The following TERT variants were observed in gnomAD, a reference collection of about 807,000 sequenced individuals.
TERT encodes telomerase reverse transcriptase.
TERT carries 42 observed loss-of-function variants against 104.0 expected under a neutral mutation model. That is an observed-to-expected ratio of 0.40 (90% CI 0.32 to 0.52). The LOEUF is 0.52. Among genes scored for constraint, TERT ranks in the 20% least tolerant of loss-of-function variants. The pLI, the probability that TERT is intolerant of heterozygous loss-of-function variation, is 0.43. For synonymous variants in TERT, 781 were observed against 725.6 expected (o/e 1.08, Z -1.23); for missense variants, 1,101 against 1,610.3 (o/e 0.68, Z 5.41).
In TERT at chr5:1,268,740, C is replaced by T. The variant is rs536444159; in HGVS notation, c.2469-107G>A. On this transcript the variant is annotated intron_variant, in intron 8 of 15. Coordinates refer to ENST00000310581, the MANE Select transcript of TERT (RefSeq NM_198253.3). This position sits in a 1 kb window ranked among gnomAD's most constrained non-coding sequence, Gnocchi z 5.5. ...CAGAACCTCATACACACAAACGACA[C>T]GTCTACCATTCAGCCGGCAAACACC... is the stretch of plus-strand genomic sequence containing the variant. The T allele has an allele frequency of 6.8e-5, 49 of 723,826 alleles. No homozygotes were observed. Among genetic ancestry groups the T allele is most frequent in the African/African-American group, 2.3e-4 (13 of 57,226 alleles). The allele number at this position is 723,826 out of a possible 1,614,324, so 44.8% of individuals were successfully genotyped here.
At chr5:1,282,303 C>A in intron 3 of TERT, 126 bp downstream of exon 3, 1 of 1,015,464 alleles carries the variant, frequency 9.8e-7, no homozygotes, top group South Asian at 1.3e-5. Flanking sequence ...TGTGACGGGG[C>A]CCCTGGCTCC....
At position 1,268,212 on chromosome 5, in the gene TERT, C is replaced by T. The variant is rs1296987970; in HGVS notation, c.2582+308G>A. Among the ~76,000 whole-genome samples the T allele has an allele frequency of 6.6e-6, 1 of 152,242 alleles. No homozygotes were observed. The highest frequency in any genetic ancestry group is 1.5e-5 in the Non-Finnish European group (1 of 68,044). ...AAGGACCCTAACGGAACCTGGGTGA[C>T]GTGACAGAAGCTGGTGTGCTTCCTC... On this transcript the variant is annotated intron_variant, in intron 9 of 15. Coordinates refer to ENST00000310581, the MANE Select transcript of TERT (RefSeq NM_198253.3). This position sits in a 1 kb window ranked among gnomAD's most constrained non-coding sequence, Gnocchi z 5.5.
At chr5:1,258,525 G>T (rs1747917318) in intron 13 of TERT, 73 bp downstream of exon 13, 1 of 1,380,364 alleles carries the variant, frequency 7.2e-7, no homozygotes, top group Admixed American at 2.0e-5. Flanking sequence ...CCAAGGTGAA[G>T]CCCCGGGTCA....
intron 6 of TERT, among the ~76,000 whole-genome samples, chr5:1,277,266 C>A (rs1158016207): frequency 6.6e-6 from 1 of 152,230 alleles, no homozygotes; most frequent in Non-Finnish European, 1.5e-5. Flanking sequence ...ACGTCTGTGA[C>A]CCAGCAACCC....
At chr5:1,276,151 C>A (rs1749565792) in intron 6 of TERT, among the ~76,000 whole-genome samples, 1 of 147,738 alleles carries the variant, frequency 6.8e-6, no homozygotes, top group Non-Finnish European at 1.5e-5. Flanking sequence ...ATTCACAGAT[C>A]CCCACCTACC....
intron 12 of TERT, among the ~76,000 whole-genome samples, chr5:1,259,033 G>A (rs1331743050): frequency 6.6e-6 from 1 of 150,602 alleles, no homozygotes; most frequent in African/African-American, 2.4e-5. Flanking sequence ...GAGAGGGGGA[G>A]TGGACACAGA....
intron 2 of TERT, among the ~76,000 whole-genome samples, chr5:1,291,625 G>T (rs56023411): frequency 0.36 from 6,038 of 16,674 alleles, 489 homozygotes; most frequent in African/African-American, 0.45. Context: ...ACCCTGCACG[G>T]GACAGGGACA....
chr5:1,288,984 A>G lies in TERT; in HGVS notation c.1573+4329T>C, dbSNP rs1262417136. 6.6e-6 allele frequency among the ~76,000 whole-genome samples: 1 copy of G among 152,156 alleles called. No individual in the cohort carries two copies. The highest frequency in any genetic ancestry group is 1.9e-4 in the East Asian group (1 of 5,190). On this transcript the variant is annotated intron_variant, in intron 2 of 15. Transcript: ENST00000310581. This position sits in a 1 kb window ranked among gnomAD's most constrained non-coding sequence, Gnocchi z 5.3. ...TGGGGACCAGCACTGCGCCTGCACCATCTACCCAGGCAATGGGCAACCGGC... is the reference window on the plus strand; with the variant it reads ...TGGGGACCAGCACTGCGCCTGCACCGTCTACCCAGGCAATGGGCAACCGGC...
Position 1,285,565 on chromosome 5 carries a change from A to ATTTTTTTTT in TERT, c.1574-2950_1574-2942dup, listed in dbSNP as rs1170336173. Among the ~76,000 whole-genome samples, 558 of 82,200 alleles carry ATTTTTTTTT rather than the reference A, an allele frequency of 6.8e-3. 31 individuals carry two copies. Among genetic ancestry groups the ATTTTTTTTT allele is most frequent in the Non-Finnish European group, 8.9e-3 (410 of 46,038 alleles). 53.9% of individuals were successfully genotyped at this position (82,200 alleles called of 152,430 possible). A position where few individuals can be genotyped will look rare whatever the true frequency, so the allele number is the denominator to read the frequency against. Reference sequence around the variant, plus strand: ...TTACTTTTTTAATGTGGCTACTAGAATTTTTTTTTTTTTTTTTTTTTTTGA... The same window carrying ATTTTTTTTT: ...TTACTTTTTTAATGTGGCTACTAGAATTTTTTTTTTTTTTTTTTTTTTTTTTTTTTTTGA... On this transcript the variant is annotated intron_variant, in intron 2 of 15. Coordinates refer to ENST00000310581, the MANE Select transcript of TERT (RefSeq NM_198253.3).
rs1258731924 is a variant in TERT at position 1,294,546 on chromosome 5, C to A, written c.340G>T (p.Ala114Ser). 6.3e-7 allele frequency: 1 copy of A among 1,579,042 alleles called. No homozygotes were observed. The highest frequency in any genetic ancestry group is 1.1e-5 in the South Asian group (1 of 88,530). Residue 114 changes from alanine to serine, a missense_variant, in exon 2 of 16, where the codon GCC becomes TCC. Ala to Ser is a moderately conservative substitution (Grantham distance 99). This residue lies in a region of TERT where 47 missense variants were observed against 105.3 expected (regional missense o/e 0.45). Transcript: ENST00000310581. Reference sequence around the variant, plus strand: ...TAGCTGCGCACGCTGGTGGTGAAGGCCTCGGGGGGGCCCCCGCGGGCCCCG... The same window carrying A: ...TAGCTGCGCACGCTGGTGGTGAAGGACTCGGGGGGGCCCCCGCGGGCCCCG... ...LDGARGGPPE[A>S]FTTSVRSYLP...
Position 1,255,238 on chromosome 5 carries a change from C to T in TERT, c.3157+49G>A, listed in dbSNP as rs1231865870. ...TTCACTCAGTCTCCTGACACACTAA[C>T]ACCAGCAGGCAGGCACTGCTGCCAC... On this transcript the variant is annotated intron_variant, in intron 14 of 15. Transcript: ENST00000310581. The surrounding 1 kb of genome is among the most constrained non-coding windows in gnomAD (Gnocchi z 6.9). 1.2e-6 allele frequency: 2 copies of T among 1,606,618 alleles called. No individual in the cohort carries two copies. Among genetic ancestry groups the T allele is most frequent in the African/African-American group, 1.3e-5 (1 of 74,888 alleles).
rs746814762 is a variant in TERT at position 1,294,116 on chromosome 5, G to C, written c.770C>G (p.Ala257Gly). The change falls in exon 2 of 16, where the codon GCC (alanine) becomes GGC (glycine). Residue 257 changes from alanine to glycine, a missense_variant. Physicochemically the swap from Ala to Gly is moderately conservative, Grantham distance 60 (BLOSUM62 0). This residue lies in a region of TERT where 504 missense variants were observed against 544.6 expected (regional missense o/e 0.93). Transcript: ENST00000310581. ...ERTPVGQGSW[A>G]HPGRTRGPSD... The stretch of plus-strand genomic sequence containing the variant: ...CGGTCCACGCGTCCTGCCCGGGTGG[G>C]CCCAGGACCCCTGCCCAACGGGCGT... 2 of 1,584,270 alleles carry C rather than the reference G, an allele frequency of 1.3e-6. No homozygotes were observed. Among genetic ancestry groups the C allele is most frequent in the Non-Finnish European group, 1.7e-6 (2 of 1,167,810 alleles).
At position 1,286,062 on chromosome 5, in the gene TERT, C is replaced by CCCCGA. The variant is rs1292357433; in HGVS notation, c.1574-3443_1574-3439dup. Among the ~76,000 whole-genome samples, 4 of 152,140 alleles carry CCCCGA rather than the reference C, an allele frequency of 2.6e-5. No individual in the cohort carries two copies. Among genetic ancestry groups the CCCCGA allele is most frequent in the Non-Finnish European group, 1.5e-5 (1 of 68,038 alleles). On this transcript the variant is annotated intron_variant, in intron 2 of 15. Transcript: ENST00000310581. This position sits in a 1 kb window ranked among gnomAD's most constrained non-coding sequence, Gnocchi z 5.3. ...AACTCGACACCGCGGAGCCACCAGACCCCGACATGCCTGGGGTTTTCCAGG... is the reference window on the plus strand; with the variant it reads ...AACTCGACACCGCGGAGCCACCAGACCCCGACCCGACATGCCTGGGGTTTTCCAGG...
rs1359043134 is a variant in TERT, at chr5:1,292,522, T to TC, written c.1573+790_1573+791insG. ...CCTGGCACAATCAACGAACACTTTT[T>TC]TTTTTTAAAGACAGAGTTTCACTCT... is the stretch of plus-strand genomic sequence containing the variant. On this transcript the variant is annotated intron_variant, in intron 2 of 15. Transcript: ENST00000310581. The surrounding 1 kb of genome is among the most constrained non-coding windows in gnomAD (Gnocchi z 5.5). 7.9e-5 allele frequency among the ~76,000 whole-genome samples: 9 copies of TC among 114,448 alleles called. No homozygotes were observed. The highest frequency in any genetic ancestry group is 1.5e-4 in the Non-Finnish European group (8 of 51,954). 75.1% of individuals were successfully genotyped at this position (114,448 alleles called of 152,430 possible). A position where few individuals can be genotyped will look rare whatever the true frequency, so the allele number is the denominator to read the frequency against.
intron 2 of TERT, among the ~76,000 whole-genome samples, chr5:1,283,446 C>T (rs1750203960): frequency 6.7e-6 from 1 of 148,324 alleles, no homozygotes; most frequent in Non-Finnish European, 1.5e-5. Flanking sequence ...CACCGCACAT[C>T]CAGCTAACCG....
At position 1,292,171 on chromosome 5, in the gene TERT, T is replaced by C. The variant is rs1751035311; in HGVS notation, c.1573+1142A>G. On this transcript the variant is annotated intron_variant, in intron 2 of 15. Coordinates refer to ENST00000310581, the MANE Select transcript of TERT (RefSeq NM_198253.3). The surrounding 1 kb of genome is among the most constrained non-coding windows in gnomAD (Gnocchi z 5.5). Reference sequence around the variant, plus strand: ...CCCCAAGAAGGTCACCCTCCTTGTCTGCATGGCCGGAAGTCTTACATGTCT... The same window carrying C: ...CCCCAAGAAGGTCACCCTCCTTGTCCGCATGGCCGGAAGTCTTACATGTCT... Among the ~76,000 whole-genome samples, 1 of 152,204 alleles carries C rather than the reference T, an allele frequency of 6.6e-6. No individual in the cohort carries two copies. The highest frequency in any genetic ancestry group is 2.4e-5 in the African/African-American group (1 of 41,448).
chr5:1,283,616 A>ACACGGG (rs1750228847), intron 2 of TERT, among the ~76,000 whole-genome samples: 1 of 90,594 alleles, frequency 1.1e-5, no homozygotes. Context: ...TGCACCATCC[A>ACACGGG]GACACCGCAC....
intron 10 of TERT, 127 bp downstream of exon 10, chr5:1,266,336 TC>T: frequency 1.1e-6 from 1 of 930,262 alleles, no homozygotes; most frequent in South Asian, 1.4e-5. Context: ...CTCTTGCGGA[TC>T]CAGCACCGGC....
At position 1,294,777 on chromosome 5, in the gene TERT, G is replaced by A; in HGVS notation, c.213C>T (p.Phe71=). 10 of 1,537,928 alleles carry A rather than the reference G, an allele frequency of 6.5e-6. No homozygotes were observed. Among genetic ancestry groups the A allele is most frequent in the Non-Finnish European group, 7.8e-6 (9 of 1,150,782 alleles). ...DARPPPAAPS[F]RQVSCLKELV... The stretch of plus-strand genomic sequence containing the variant: ...CGACCCCGGGGAGGCCCACCTGGCG[G>A]AAGGAGGGGGCGGCGGGGGGCGGCC... Residue 71 remains phenylalanine, a synonymous_variant, in exon 1 of 16, where the codon TTC becomes TTT. Coordinates refer to ENST00000310581, the MANE Select transcript of TERT (RefSeq NM_198253.3).
Sources: allele counts gnomAD v4.1 joint callset (sites outside exome capture counted in the v4.1 genomes callset), GRCh38; gene constraint gnomAD v4.1.1; regional missense constraint gnomAD v4.1.1; non-coding constraint Gnocchi (gnomAD v3.1); transcripts MANE v1.5; gene names NCBI Gene and HGNC (gene_info 2026-07-23, HGNC 2026-07-21).